The following AIG1 variants were observed in gnomAD, a reference collection of about 807,000 sequenced individuals.
AIG1 encodes androgen-induced gene 1 protein.
AIG1 carries 23 observed loss-of-function variants against 31.4 expected under a neutral mutation model. The observed-to-expected ratio is 0.73, with a 90% CI of 0.53 to 1.04. AIG1 has a LOEUF of 1.04. Ranked by LOEUF, AIG1 falls within the 50% of genes least tolerant of loss-of-function variation. The pLI is 0.00. For missense variants in AIG1, 274 were observed against 295.0 expected, an observed-to-expected ratio of 0.93 and a Z score of 0.52; for synonymous variants, 100 against 110.5, an observed-to-expected ratio of 0.90 and a Z score of 0.60.
At chr6:143,273,054 G>A (rs981115383) in intron 3 of AIG1, among the ~76,000 whole-genome samples, 7 of 152,144 alleles carry the variant, frequency 4.6e-5, no homozygotes, top group African/African-American at 9.7e-5. Context: ...GCTTGAACCC[G>A]GGAGGCGGAG....
At chr6:143,286,082 A>G (rs1335164181) in intron 4 of AIG1, among the ~76,000 whole-genome samples, 1 of 151,452 alleles carries the variant, frequency 6.6e-6, no homozygotes, top group Non-Finnish European at 1.5e-5. Context: ...GGAAAAGGCA[A>G]GTTCTTTACT....
chr6:143,150,446 C>G (rs1785107193), intron 2 of AIG1, among the ~76,000 whole-genome samples: 1 of 152,160 alleles, frequency 6.6e-6, no homozygotes, highest in African/African-American at 2.4e-5. Flanking sequence ...TATGATTTCA[C>G]TGACTCTGGA....
chr6:143,104,876 G>A (rs776070565), intron 1 of AIG1, among the ~76,000 whole-genome samples: 39 of 151,470 alleles, frequency 2.6e-4, no homozygotes, highest in Non-Finnish European at 7.4e-5. Flanking sequence ...TCCAGCCTGG[G>A]TTACAGAGCA....
Position 143,327,854 on chromosome 6 carries a change from G to T in AIG1, c.516-5428G>T, listed in dbSNP as rs1776739372. Among the ~76,000 whole-genome samples, 1 of 152,132 alleles carries T rather than the reference G, an allele frequency of 6.6e-6. No homozygotes were observed. The highest frequency in any genetic ancestry group is 2.1e-4 in the South Asian group (1 of 4,820). Reference sequence around the variant, plus strand: ...GTTTGGGGAGAAAGAACATGATTTTGTCTTTAGATATATTGAGTTTGAGGT... The same window carrying T: ...GTTTGGGGAGAAAGAACATGATTTTTTCTTTAGATATATTGAGTTTGAGGT... On this transcript the variant is annotated intron_variant, in intron 4 of 5. Transcript: ENST00000357847. The surrounding 1 kb of genome is among the most constrained non-coding windows in gnomAD (Gnocchi z 5.3).
At chr6:143,271,499 A>G (rs533089636) in intron 3 of AIG1, among the ~76,000 whole-genome samples, 1 of 152,328 alleles carries the variant, frequency 6.6e-6, no homozygotes, top group South Asian at 2.1e-4. Context: ...CTGCTAGTAG[A>G]CGTTTGCCAA....
chr6:143,154,197 C>T (rs141810694), intron 2 of AIG1, among the ~76,000 whole-genome samples: 1 of 151,772 alleles, frequency 6.6e-6, no homozygotes, highest in Admixed American at 6.6e-5. Flanking sequence ...TTAAAATTTT[C>T]TAAAGATATG....
chr6:143,260,572 G>C (rs1257171258), intron 3 of AIG1, among the ~76,000 whole-genome samples: 1 of 152,190 alleles, frequency 6.6e-6, no homozygotes, highest in Non-Finnish European at 1.5e-5. Context: ...ATCAGGAAAA[G>C]ACCATAGCTC....
chr6:143,114,869 G>A (rs1781606925), intron 1 of AIG1, among the ~76,000 whole-genome samples: 1 of 152,222 alleles, frequency 6.6e-6, no homozygotes, highest in African/African-American at 2.4e-5. Context: ...GTGAGATAGA[G>A]ATAGCTGGAG....
intron 1 of AIG1, among the ~76,000 whole-genome samples, chr6:143,069,014 C>A (rs1583055053): frequency 6.9e-6 from 1 of 144,254 alleles, no homozygotes; most frequent in Non-Finnish European, 1.5e-5. Context: ...AAATTTATTC[C>A]TTTTTTTTTT....
In AIG1 at chr6:143,327,878, G is replaced by A. The variant is rs1335077081; in HGVS notation, c.516-5404G>A. Among the ~76,000 whole-genome samples, 1 of 152,066 alleles carries A rather than the reference G, an allele frequency of 6.6e-6. No individual in the cohort carries two copies. The highest frequency in any genetic ancestry group is 2.4e-5 in the African/African-American group (1 of 41,398). ...TGTCTTTAGATATATTGAGTTTGAG[G>A]TATCTTTAAGATGGGCAAAATGAGA... is the stretch of plus-strand genomic sequence containing the variant. On this transcript the variant is annotated intron_variant, in intron 4 of 5. Coordinates refer to ENST00000357847, the MANE Select transcript of AIG1 (RefSeq NM_016108.4). The surrounding 1 kb of genome is among the most constrained non-coding windows in gnomAD (Gnocchi z 5.3).
chr6:143,187,630 A>T, intron 3 of AIG1: 1 of 1,536,122 alleles, frequency 6.5e-7, no homozygotes, highest in Non-Finnish European at 8.7e-7. Context: ...TTTCTGCAGC[A>T]TTTCAAAGCT....
chr6:143,242,859 G>T (rs1794340316), intron 3 of AIG1, among the ~76,000 whole-genome samples: 1 of 152,136 alleles, frequency 6.6e-6, no homozygotes, highest in Admixed American at 6.5e-5. Context: ...CGACATCATG[G>T]CTGCGGATAT....
intron 3 of AIG1, among the ~76,000 whole-genome samples, chr6:143,271,712 C>T (rs1490249487): frequency 6.6e-6 from 1 of 152,182 alleles, no homozygotes; most frequent in African/African-American, 2.4e-5. Context: ...AATGCTTCTA[C>T]ATATTTTGTG....
At chr6:143,306,909 C>T (rs951725029) in intron 4 of AIG1, among the ~76,000 whole-genome samples, 3 of 152,132 alleles carry the variant, frequency 2.0e-5, no homozygotes, top group African/African-American at 7.2e-5. Flanking sequence ...TCTTTTTATT[C>T]TTTTTTCTCC....
At chr6:143,085,953 T>A (rs1778738244) in intron 1 of AIG1, among the ~76,000 whole-genome samples, 1 of 152,254 alleles carries the variant, frequency 6.6e-6, no homozygotes, top group Non-Finnish European at 1.5e-5. Context: ...TTAAATCAAC[T>A]TTTTCTAACA....
chr6:143,070,987 T>C (rs1368119606), intron 1 of AIG1, among the ~76,000 whole-genome samples: 1 of 152,250 alleles, frequency 6.6e-6, no homozygotes, highest in Non-Finnish European at 1.5e-5. Context: ...AAAACTGTAT[T>C]ATAATATCAC....
intron 3 of AIG1, among the ~76,000 whole-genome samples, chr6:143,208,373 T>G (rs910539579): frequency 1.3e-5 from 2 of 152,204 alleles, no homozygotes; most frequent in Admixed American, 1.3e-4. Context: ...TCTCCCTTCC[T>G]GCTGAGAGCT....
At chr6:143,301,421 C>T (rs1458989445) in intron 4 of AIG1, among the ~76,000 whole-genome samples, 1 of 152,070 alleles carries the variant, frequency 6.6e-6, no homozygotes, top group Non-Finnish European at 1.5e-5. Flanking sequence ...GGGTGCAAGC[C>T]CCAAGCCTTG....
intron 2 of AIG1, among the ~76,000 whole-genome samples, chr6:143,157,049 T>C (rs1241751823): frequency 6.6e-6 from 1 of 152,228 alleles, no homozygotes; most frequent in Non-Finnish European, 1.5e-5. Flanking sequence ...AATTTATTTT[T>C]AGACCTTGCA....
Sources: gnomAD v4.1 joint callset for allele counts (sites outside exome capture counted in the v4.1 genomes callset) on GRCh38, gnomAD v4.1.1 for gene constraint, Gnocchi (gnomAD v3.1) non-coding constraint, MANE v1.5 for transcripts, NCBI Gene and HGNC (gene_info 2026-07-23, HGNC 2026-07-21) for gene names.